The following MAMLD1 variants were observed in gnomAD, a reference collection of about 807,000 sequenced individuals.
MAMLD1 encodes mastermind like domain containing 1, also known as mastermind-like domain-containing protein 1.
MAMLD1 carries 14 observed loss-of-function variants against 45.0 expected under a neutral mutation model. That is an observed-to-expected ratio of 0.31 (90% CI 0.21 to 0.49). MAMLD1 has a LOEUF of 0.49. MAMLD1 is among the 20% of genes least tolerant of loss of function. The pLI, the probability that MAMLD1 is intolerant of heterozygous loss-of-function variation, is 0.99. For missense variants in MAMLD1, 543 were observed against 603.6 expected, an observed-to-expected ratio of 0.90 and a Z score of 1.05; for synonymous variants, 254 against 247.8, an observed-to-expected ratio of 1.02 and a Z score of -0.24.
chrX:150,425,153 T>A (rs1480477678), intron 1 of MAMLD1, among the ~76,000 whole-genome samples: 2 of 111,948 alleles, frequency 1.8e-5, no homozygotes, highest in Non-Finnish European at 3.8e-5. Context: ...TGATAGACAT[T>A]TGGGTTGTTT....
chrX:150,483,461 G>C (rs1375961929), intron 5 of MAMLD1, among the ~76,000 whole-genome samples: 2 of 112,783 alleles, frequency 1.8e-5, no homozygotes, highest in Non-Finnish European at 3.7e-5. Context: ...GCTAGCCATT[G>C]CGGAATGCTA....
chrX:150,483,066 A>G (rs1431057339), intron 5 of MAMLD1, among the ~76,000 whole-genome samples: 3 of 112,382 alleles, frequency 2.7e-5, no homozygotes, highest in African/African-American at 9.7e-5. Context: ...CTGTCACTCT[A>G]GAGCAAGTGC....
intron 6 of MAMLD1, among the ~76,000 whole-genome samples, chrX:150,506,786 G>A (rs1433493414): frequency 4.4e-5 from 5 of 112,582 alleles, no homozygotes; most frequent in Admixed American, 3.7e-4. Flanking sequence ...TGCCTGGCGT[G>A]GGCTCAGTTG....
At chrX:150,370,204 A>G (rs1025310772) in intron 1 of MAMLD1, among the ~76,000 whole-genome samples, 2 of 109,561 alleles carry the variant, frequency 1.8e-5, no homozygotes, top group Non-Finnish European at 3.8e-5. Context: ...AATTCCCATC[A>G]TACACCTCTC....
intron 6 of MAMLD1, chrX:150,504,152 T>A: frequency 1.3e-6 from 1 of 751,596 alleles, no homozygotes; most frequent in South Asian, 6.8e-5. Context: ...ATCCTCTAGA[T>A]TCTAGAGTCT....
At chrX:150,409,040 G>T (rs1433938180) in intron 1 of MAMLD1, among the ~76,000 whole-genome samples, 1 of 111,654 alleles carries the variant, frequency 9.0e-6, no homozygotes, top group Non-Finnish European at 1.9e-5. Context: ...AACCTCTTCT[G>T]CGGGGCTGCT....
chrX:150,397,927 A>G (rs965639829), intron 1 of MAMLD1, among the ~76,000 whole-genome samples: 10 of 111,005 alleles, frequency 9.0e-5, no homozygotes, highest in Admixed American at 1.9e-4. Flanking sequence ...ATATGCTTGG[A>G]CATATATTTC....
chrX:150,392,138 G>A (rs1164605603), intron 1 of MAMLD1, among the ~76,000 whole-genome samples: 4 of 112,291 alleles, frequency 3.6e-5, no homozygotes, highest in Non-Finnish European at 7.5e-5. Context: ...CAAGGTGAAA[G>A]AGAAATCTCA....
Position 150,363,841 on chromosome X carries a change from A to G in MAMLD1, c.-64+311A>G, listed in dbSNP as rs189850078. Among the ~76,000 whole-genome samples the G allele has an allele frequency of 7.8e-3, 875 of 112,399 alleles. 11 individuals carry two copies. Among genetic ancestry groups the G allele is most frequent in the African/African-American group, 0.027 (839 of 30,946 alleles). On this transcript the variant is annotated intron_variant, in intron 1 of 7. Transcript: ENST00000370401. Reference sequence around the variant, plus strand: ...CCGGGGAGGAAAGGTAGAAGGGCGCAAGCTCCTCGGGCTACGCTGGGCTAC... The same window carrying G: ...CCGGGGAGGAAAGGTAGAAGGGCGCGAGCTCCTCGGGCTACGCTGGGCTAC...
chrX:150,388,246 C>A (rs1392504105), intron 1 of MAMLD1, among the ~76,000 whole-genome samples: 1 of 111,756 alleles, frequency 8.9e-6, no homozygotes, highest in Non-Finnish European at 1.9e-5. Context: ...TAAGTTGTGA[C>A]AGTTAGCTAA....
chrX:150,387,535 T>C (rs1249244199), intron 1 of MAMLD1, among the ~76,000 whole-genome samples: 3 of 111,952 alleles, frequency 2.7e-5, no homozygotes, highest in Non-Finnish European at 5.6e-5. Flanking sequence ...AGGGCTGACT[T>C]TGCTCACACA....
At chrX:150,510,639 C>T (rs953471572) in intron 7 of MAMLD1, among the ~76,000 whole-genome samples, 1 of 112,397 alleles carries the variant, frequency 8.9e-6, no homozygotes, top group Admixed American at 9.4e-5. Flanking sequence ...AGTTCCCACT[C>T]CGTGGAGGTT....
At chrX:150,429,824 C>T (rs1197973667) in intron 1 of MAMLD1, among the ~76,000 whole-genome samples, 2 of 109,155 alleles carry the variant, frequency 1.8e-5, no homozygotes, top group Non-Finnish European at 3.8e-5. Flanking sequence ...TTGATGTTGT[C>T]ATTGTTTTTT....
intron 1 of MAMLD1, among the ~76,000 whole-genome samples, chrX:150,364,365 G>T (rs1557400622): frequency 6.2e-5 from 7 of 113,232 alleles, no homozygotes. Flanking sequence ...TCTGATCCGT[G>T]ATTAAATTCG....
At position 150,469,777 on chromosome X, in the gene MAMLD1, C is replaced by A. The variant is rs1557406211; in HGVS notation, c.204C>A (p.His68Gln). Residue 68 changes from histidine to glutamine, a missense_variant, in exon 4 of 8, where the codon CAC becomes CAA. His to Gln is a conservative substitution (Grantham distance 24). Coordinates refer to ENST00000370401, the MANE Select transcript of MAMLD1 (RefSeq NM_005491.5). ...TTAAGAGGAGACAAGAAGAAGACCA[C>A]TTCCAGTTTCCAGACATGGCTGATG... ...GTVKRRQEED[H>Q]FQFPDMADGG... 1.7e-6 allele frequency: 2 copies of A among 1,210,957 alleles called. No individual in the cohort carries two copies. The highest frequency in any genetic ancestry group is 3.5e-5 in the South Asian group (2 of 56,927).
intron 1 of MAMLD1, among the ~76,000 whole-genome samples, chrX:150,366,716 G>A (rs1489869773): frequency 3.6e-5 from 4 of 111,647 alleles, no homozygotes; most frequent in African/African-American, 1.3e-4. Flanking sequence ...GTGCTTGGTG[G>A]TTCTCCAATG....
chrX:150,434,519 ATCTT>A (rs1292368232), intron 1 of MAMLD1, among the ~76,000 whole-genome samples: 1 of 111,083 alleles, frequency 9.0e-6, no homozygotes, highest in Non-Finnish European at 1.9e-5. Flanking sequence ...TTAATTTAAG[ATCTT>A]TCTAACTTTT....
chrX:150,413,176 G>A (rs138417150), intron 1 of MAMLD1, among the ~76,000 whole-genome samples: 58 of 111,701 alleles, frequency 5.2e-4, no homozygotes, highest in African/African-American at 1.8e-3. Context: ...TCAGATCACC[G>A]CTCCTACTTA....
chrX:150,406,682 T>C (rs931808225), intron 1 of MAMLD1, among the ~76,000 whole-genome samples: 26 of 112,036 alleles, frequency 2.3e-4, no homozygotes, highest in African/African-American at 8.4e-4. Flanking sequence ...CCTGGAGCCC[T>C]ACCAAGGGAA....
Sources: allele counts gnomAD v4.1 joint callset (sites outside exome capture counted in the v4.1 genomes callset), GRCh38; gene constraint gnomAD v4.1.1; transcripts MANE v1.5; gene names NCBI Gene and HGNC (gene_info 2026-07-23, HGNC 2026-07-21).